Variants in RORA observed in about 807,000 individuals in gnomAD.
RORA encodes nuclear receptor ROR-alpha.
In RORA, 7 loss-of-function variants were observed where a neutral mutation model predicts 69.5. The observed-to-expected ratio is 0.10, with a 90% CI of 0.06 to 0.19. The LOEUF (loss-of-function observed/expected upper bound fraction) is 0.19, where lower values mean the gene tolerates loss of function less well. Ranked by LOEUF, RORA falls within the 10% of genes least tolerant of loss-of-function variation. The pLI, the probability that RORA is intolerant of heterozygous loss-of-function variation, is 1.00. For synonymous variants in RORA, 261 were observed against 240.8 expected (o/e 1.08, Z -0.78); for missense variants, 457 against 663.0 (o/e 0.69, Z 3.41).
At chr15:60,498,670 T>C (rs770925552) in intron 10 of RORA, among the ~76,000 whole-genome samples, 1 of 152,114 alleles carries the variant, frequency 6.6e-6, no homozygotes, top group Non-Finnish European at 1.5e-5. Flanking sequence ...TTAAGTGCTG[T>C]TTATAATCAG....
chr15:60,817,407 T>G (rs1324751601), intron 1 of RORA, among the ~76,000 whole-genome samples: 1 of 152,234 alleles, frequency 6.6e-6, no homozygotes, highest in Non-Finnish European at 1.5e-5. Context: ...ACAGACTTCA[T>G]CGAGGCAGGC....
intron 1 of RORA, among the ~76,000 whole-genome samples, chr15:60,792,863 A>T (rs1478951977): frequency 6.6e-6 from 1 of 152,172 alleles, no homozygotes. Flanking sequence ...TTTCTCAAAG[A>T]TGTAAGAAGT....
intron 2 of RORA, among the ~76,000 whole-genome samples, chr15:60,611,230 A>C (rs1355320597): frequency 6.6e-6 from 1 of 152,140 alleles, no homozygotes; most frequent in African/African-American, 2.4e-5. Context: ...TCAATCTCTC[A>C]GACCTCAGAA....
intron 1 of RORA, among the ~76,000 whole-genome samples, chr15:61,115,706 A>G (rs1566996014): frequency 6.6e-6 from 1 of 152,188 alleles, no homozygotes; most frequent in African/African-American, 2.4e-5. Context: ...CTGAGAAGGA[A>G]GGATCCATTT....
chr15:60,702,335 G>A (rs995984293), intron 1 of RORA, among the ~76,000 whole-genome samples: 3 of 152,036 alleles, frequency 2.0e-5, no homozygotes, highest in African/African-American at 7.2e-5. Flanking sequence ...GGGTTGATGC[G>A]ATTCTCCTGC....
chr15:60,947,821 T>A (rs1052428289), intron 1 of RORA, among the ~76,000 whole-genome samples: 7 of 151,838 alleles, frequency 4.6e-5, no homozygotes, highest in African/African-American at 1.7e-4. Context: ...AGATGGTACC[T>A]AAACAAGGTA....
At chr15:61,142,629 T>G (rs1005282740) in intron 1 of RORA, among the ~76,000 whole-genome samples, 1 of 152,116 alleles carries the variant, frequency 6.6e-6, no homozygotes, top group African/African-American at 2.4e-5. Context: ...GCAGACAGAA[T>G]CCACCAGTGC....
At chr15:60,885,715 T>C (rs2073743087) in intron 1 of RORA, among the ~76,000 whole-genome samples, 1 of 152,250 alleles carries the variant, frequency 6.6e-6, no homozygotes, top group Non-Finnish European at 1.5e-5. Flanking sequence ...GCAAATGCTA[T>C]CTGTTTGTCT....
At chr15:61,227,308 G>A (rs1306234194) in intron 1 of RORA, among the ~76,000 whole-genome samples, 1 of 150,524 alleles carries the variant, frequency 6.6e-6, no homozygotes, top group Non-Finnish European at 1.5e-5. Flanking sequence ...CAAATCCACC[G>A]TCTCAGGGTC....
At chr15:60,507,828 C>A (rs1341206712) in intron 5 of RORA, among the ~76,000 whole-genome samples, 1 of 152,120 alleles carries the variant, frequency 6.6e-6, no homozygotes, top group Non-Finnish European at 1.5e-5. Flanking sequence ...AGGCTCATAT[C>A]ATTTCCTTCC....
At chr15:61,137,051 GAAA>G (rs1567006597) in intron 1 of RORA, among the ~76,000 whole-genome samples, 4 of 143,768 alleles carry the variant, frequency 2.8e-5, no homozygotes, top group African/African-American at 1.1e-4. Context: ...AAGAAAGAAA[GAAA>G]GAAAGAAAGA....
At chr15:60,913,324 C>G (rs1891782328) in intron 1 of RORA, among the ~76,000 whole-genome samples, 1 of 152,332 alleles carries the variant, frequency 6.6e-6, no homozygotes, top group East Asian at 1.9e-4. Flanking sequence ...CCAGTTACAC[C>G]TCTGGTTTCT....
At chr15:60,551,074 A>G (rs1215311151) in intron 2 of RORA, among the ~76,000 whole-genome samples, 3 of 152,158 alleles carry the variant, frequency 2.0e-5, no homozygotes, top group Non-Finnish European at 4.4e-5. Flanking sequence ...GCGATTTCAC[A>G]GTATTGCAGA....
intron 2 of RORA, among the ~76,000 whole-genome samples, chr15:60,594,263 A>G (rs2068618540): frequency 6.6e-6 from 1 of 152,238 alleles, no homozygotes; most frequent in Non-Finnish European, 1.5e-5. Context: ...CCACGTTCCT[A>G]TGATGCAACT....
intron 2 of RORA, among the ~76,000 whole-genome samples, chr15:60,569,515 A>G (rs1020480830): frequency 6.6e-6 from 1 of 152,232 alleles, no homozygotes; most frequent in African/African-American, 2.4e-5. Flanking sequence ...TAGATGCTCA[A>G]TACAGGCTAG....
At chr15:61,106,694 T>C (rs772532801) in intron 1 of RORA, among the ~76,000 whole-genome samples, 1 of 152,246 alleles carries the variant, frequency 6.6e-6, no homozygotes, top group Middle Eastern at 3.2e-3. Flanking sequence ...TGCTGTCAAA[T>C]ACAGTCATCT....
At chr15:61,045,748 A>G (rs1028479891) in intron 1 of RORA, among the ~76,000 whole-genome samples, 1 of 152,204 alleles carries the variant, frequency 6.6e-6, no homozygotes, top group Non-Finnish European at 1.5e-5. Flanking sequence ...AAAATCTGAC[A>G]AGGGACTGGC....
intron 1 of RORA, among the ~76,000 whole-genome samples, chr15:60,988,893 C>T (rs17204749): frequency 6.6e-6 from 1 of 151,780 alleles, no homozygotes; most frequent in Admixed American, 6.6e-5. Context: ...TCTTTTACAC[C>T]GAAGGAAAGA....
At chr15:60,839,639 G>A (rs1462829089) in intron 1 of RORA, among the ~76,000 whole-genome samples, 2 of 152,170 alleles carry the variant, frequency 1.3e-5, no homozygotes, top group Non-Finnish European at 2.9e-5. Flanking sequence ...ACCAGGGTAG[G>A]TATAATGAGT....
Sources: allele counts gnomAD v4.1 joint callset (sites outside exome capture counted in the v4.1 genomes callset), GRCh38; gene constraint gnomAD v4.1.1; transcripts MANE v1.5; gene names NCBI Gene and HGNC (gene_info 2026-07-23, HGNC 2026-07-21).